Variants in ATP9B observed in about 807,000 individuals in gnomAD.
ATP9B encodes the protein probable phospholipid-transporting ATPase IIB.
In ATP9B, 110 loss-of-function variants were observed where a neutral mutation model predicts 146.1. That is an observed-to-expected ratio of 0.75 (90% CI 0.65 to 0.88). The LOEUF (loss-of-function observed/expected upper bound fraction) is 0.88, where lower values mean the gene tolerates loss of function less well. ATP9B is among the 40% of genes least tolerant of loss of function. The pLI, the probability that ATP9B is intolerant of heterozygous loss-of-function variation, is 0.00. For synonymous variants in ATP9B, 604 were observed against 569.7 expected (o/e 1.06, Z -0.86); for missense variants, 1,499 against 1,496.4 (o/e 1.00, Z -0.03).
chr18:79,326,578 C>A (rs1156505214), intron 15 of ATP9B, among the ~76,000 whole-genome samples: 2 of 151,994 alleles, frequency 1.3e-5, no homozygotes, highest in African/African-American at 4.8e-5. Context: ...CATCTCTGTA[C>A]CCTCCCTCCC....
At chr18:79,341,903 C>A (rs1045856333) in intron 19 of ATP9B, among the ~76,000 whole-genome samples, 7 of 152,200 alleles carry the variant, frequency 4.6e-5, no homozygotes, top group Admixed American at 2.0e-4. Flanking sequence ...GGAAACTGTC[C>A]ATCTCCCCAT....
At chr18:79,334,960 C>T (rs2096814592) in intron 17 of ATP9B, among the ~76,000 whole-genome samples, 1 of 152,014 alleles carries the variant, frequency 6.6e-6, no homozygotes, top group Non-Finnish European at 1.5e-5. Context: ...GTTTCTTCAC[C>T]TGCCTTGCAG....
intron 4 of ATP9B, among the ~76,000 whole-genome samples, chr18:79,122,545 A>T (rs1432249830): frequency 2.0e-5 from 3 of 152,186 alleles, no homozygotes; most frequent in Non-Finnish European, 2.9e-5. Flanking sequence ...TGAATTTCTT[A>T]CTTGTGGACA....
intron 11 of ATP9B, among the ~76,000 whole-genome samples, chr18:79,217,539 A>G (rs1161333387): frequency 6.6e-6 from 1 of 152,240 alleles, no homozygotes; most frequent in Non-Finnish European, 1.5e-5. Context: ...AATGAAATAT[A>G]TACTTAAATA....
chr18:79,312,614 C>T (rs1275206105), intron 15 of ATP9B, among the ~76,000 whole-genome samples: 2 of 152,228 alleles, frequency 1.3e-5, no homozygotes, highest in African/African-American at 4.8e-5. Flanking sequence ...TCACAAGCGT[C>T]GCCTGCTGAG....
intron 10 of ATP9B, among the ~76,000 whole-genome samples, chr18:79,208,046 C>T (rs1350200548): frequency 6.6e-6 from 1 of 152,078 alleles, no homozygotes; most frequent in Admixed American, 6.5e-5. Flanking sequence ...GAGATGGAGA[C>T]CATCCTGGCT....
chr18:79,345,817 GTGGGAT>G lies in ATP9B; in HGVS notation c.2669_2674del (p.Gly890_Ile891del). 1 of 1,614,252 alleles carries G rather than the reference GTGGGAT, an allele frequency of 6.2e-7. No individual in the cohort carries two copies. The highest frequency in any genetic ancestry group is 8.5e-7 in the Non-Finnish European group (1 of 1,180,040). On this transcript the variant is annotated inframe_deletion, in exon 23 of 30. Transcript: ENST00000426216. ...GTCAGCATGATTCAGGCAGCAGACT[GTGGGAT>G]TGGGATTGAGGGAAAGGTAGGTTCG...
intron 11 of ATP9B, among the ~76,000 whole-genome samples, chr18:79,252,367 G>A (rs1438531485): frequency 3.9e-5 from 6 of 151,928 alleles, no homozygotes; most frequent in South Asian, 2.1e-4. Context: ...CCAGAGTCCC[G>A]AGGAATCCTA....
chr18:79,240,122 A>G (rs770280240), intron 11 of ATP9B, among the ~76,000 whole-genome samples: 3 of 152,232 alleles, frequency 2.0e-5, no homozygotes, highest in Non-Finnish European at 4.4e-5. Flanking sequence ...AAGTGAGGTG[A>G]GGGCATTGTC....
At chr18:79,344,114 C>A in intron 20 of ATP9B, 151 bp from the exon 21 acceptor site, 2 of 705,290 alleles carry the variant, frequency 2.8e-6, no homozygotes, top group Non-Finnish European at 4.9e-6. Context: ...TTGGAAAGGA[C>A]CTTCTTCCGG....
intron 14 of ATP9B, among the ~76,000 whole-genome samples, chr18:79,306,007 A>T (rs886507424): frequency 2.0e-5 from 3 of 152,256 alleles, no homozygotes; most frequent in Non-Finnish European, 4.4e-5. Flanking sequence ...GGAGGGAGCC[A>T]GCTGAGTTTG....
chr18:79,327,788 T>G (rs1208805255), intron 15 of ATP9B, among the ~76,000 whole-genome samples: 1 of 124,446 alleles, frequency 8.0e-6, no homozygotes, highest in African/African-American at 3.1e-5. Flanking sequence ...CTCTCCGTGG[T>G]TAGCGTGCTC....
At chr18:79,289,994 C>T (rs557189932) in intron 13 of ATP9B, among the ~76,000 whole-genome samples, 10 of 152,108 alleles carry the variant, frequency 6.6e-5, no homozygotes, top group Non-Finnish European at 8.8e-5. Context: ...GAGGAGTACC[C>T]GGCTGTGTGA....
chr18:79,193,196 T>A lies in ATP9B; in HGVS notation c.887T>A (p.Ile296Asn), dbSNP rs771954799. The A allele has an allele frequency of 2.5e-6, 4 of 1,606,636 alleles. No homozygotes were observed. The South Asian group carries it at 3.3e-5, about 13-fold the overall frequency. Residue 296 changes from isoleucine (I) to asparagine (N), a missense_variant, in exon 9 of 30, where the codon ATC becomes AAC. Coordinates refer to ENST00000426216, the MANE Select transcript of ATP9B (RefSeq NM_198531.5). ...TCTGTATTCCAGGACCTTTTTTCTA[T>A]CAGTGCTTATGTTTATGCTCAGAAA... ...QLPALGDLFS[I>N]SAYVYAQKPQ...
At chr18:79,207,487 C>T (rs2148352871) in intron 10 of ATP9B, among the ~76,000 whole-genome samples, 1 of 152,274 alleles carries the variant, frequency 6.6e-6, no homozygotes, top group Middle Eastern at 3.4e-3. Context: ...AGATGATTAC[C>T]ATGTTATCAG....
intron 12 of ATP9B, among the ~76,000 whole-genome samples, chr18:79,274,889 G>A (rs906101998): frequency 1.3e-5 from 2 of 152,136 alleles, no homozygotes; most frequent in African/African-American, 4.8e-5. Context: ...CAACAGCTCC[G>A]CGTAAGTCTA....
At chr18:79,262,022 C>T (rs927557373) in intron 12 of ATP9B, among the ~76,000 whole-genome samples, 1 of 152,096 alleles carries the variant, frequency 6.6e-6, no homozygotes, top group Non-Finnish European at 1.5e-5. Flanking sequence ...ACACGCCCCA[C>T]GCTGCTGTGT....
chr18:79,275,513 C>G (rs2096297995), intron 12 of ATP9B, among the ~76,000 whole-genome samples: 1 of 152,256 alleles, frequency 6.6e-6, no homozygotes, highest in Non-Finnish European at 1.5e-5. Flanking sequence ...CCTTTCCTGC[C>G]TGTCAAACAC....
At position 79,339,288 on chromosome 18, in the gene ATP9B, G is replaced by GTAGGAAGTGTGTCATGATCA. The variant is rs1568745927; in HGVS notation, c.2283+1842_2283+1843insGAAGTGTGTCATGATCATAG. On this transcript the variant is annotated intron_variant, in intron 19 of 29. Transcript: ENST00000426216. ...TCACAGTAGGAAGTGTGTCATGATC[G>GTAGGAAGTGTGTCATGATCA]TAGTAGGAAGTATGTCATGATCACA... 2.0e-3 allele frequency among the ~76,000 whole-genome samples: 8 copies of GTAGGAAGTGTGTCATGATCA among 3,986 alleles called. 1 individual carries two copies. The South Asian group carries it at 0.037, about 18-fold the overall frequency. The allele number at this position is 3,986 out of a possible 152,430, so 2.6% of individuals were successfully genotyped here.
Sources: allele counts gnomAD v4.1 joint callset (sites outside exome capture counted in the v4.1 genomes callset), GRCh38; gene constraint gnomAD v4.1.1; transcripts MANE v1.5; gene names NCBI Gene and HGNC (gene_info 2026-07-23, HGNC 2026-07-21).